GCH1: variants seen among roughly 807,000 people sequenced by gnomAD.
The protein encoded by GCH1 is GTP cyclohydrolase I.
GCH1 carries 5 observed loss-of-function variants against 25.9 expected under a neutral mutation model. That is an observed-to-expected ratio of 0.19 (90% CI 0.10 to 0.41). The LOEUF (loss-of-function observed/expected upper bound fraction) is 0.41, where lower values mean the gene tolerates loss of function less well. Ranked by LOEUF, GCH1 falls within the 10% of genes least tolerant of loss-of-function variation. The probability of loss-of-function intolerance (pLI) is 1.00; values close to 1 mark genes in which losing one functional copy is unlikely to be tolerated. For synonymous variants in GCH1, 159 were observed against 129.6 expected (o/e 1.23, Z -1.54); for missense variants, 261 against 336.5 (o/e 0.78, Z 1.75).
chr14:54,860,668 GTAGCCGGGAC>G (rs1461381887), intron 2 of GCH1, among the ~76,000 whole-genome samples: 4 of 151,690 alleles, frequency 2.6e-5, no homozygotes, highest in Non-Finnish European at 5.9e-5. Flanking sequence ...AGCCTCCTGA[GTAGCCGGGAC>G]TACAGGCGCC....
At chr14:54,867,737 C>A (rs1300329948) in intron 1 of GCH1, among the ~76,000 whole-genome samples, 1 of 151,840 alleles carries the variant, frequency 6.6e-6, no homozygotes, top group East Asian at 1.9e-4. Context: ...ATTAAATGGG[C>A]ACATGTGTTT....
intron 1 of GCH1, among the ~76,000 whole-genome samples, chr14:54,900,755 C>T (rs2040552842): frequency 6.6e-6 from 1 of 151,768 alleles, no homozygotes. Flanking sequence ...CAAAGCCTGG[C>T]CGATGCTGTG....
At chr14:54,858,182 C>A (rs2140060715) in intron 3 of GCH1, among the ~76,000 whole-genome samples, 1 of 152,172 alleles carries the variant, frequency 6.6e-6, no homozygotes, top group East Asian at 1.9e-4. Context: ...ATCAGGACCA[C>A]CATTTCACAA....
At chr14:54,887,953 C>T (rs1414259202) in intron 1 of GCH1, among the ~76,000 whole-genome samples, 1 of 151,488 alleles carries the variant, frequency 6.6e-6, no homozygotes, top group Non-Finnish European at 1.5e-5. Flanking sequence ...CCCAACCACT[C>T]CTTTTCTAGT....
chr14:54,866,640 G>A (rs28643468), intron 1 of GCH1, among the ~76,000 whole-genome samples: 6,356 of 152,056 alleles, frequency 0.042, 498 homozygotes, highest in African/African-American at 0.15. Context: ...AAAGGCAGGC[G>A]GCTGAGTGAG....
At position 54,883,946 on chromosome 14, in the gene GCH1, A is replaced by C. The variant is rs150008456; in HGVS notation, c.343+18375T>G. 1.4e-3 allele frequency among the ~76,000 whole-genome samples: 211 copies of C among 152,292 alleles called. 1 individual carries two copies. Among genetic ancestry groups the C allele is most frequent in the Non-Finnish European group, 2.2e-3 (153 of 68,028 alleles). ...CTACGTGGTTCTTTTTGCTGGAGCA[A>C]AGTTTAAAAATTTGTGAGGACCTCA... On this transcript the variant is annotated intron_variant, in intron 1 of 5. Transcript: ENST00000491895.
chr14:54,846,858 C>G (rs1038959869), intron 4 of GCH1, among the ~76,000 whole-genome samples: 10 of 152,056 alleles, frequency 6.6e-5, no homozygotes, highest in African/African-American at 2.4e-4. Context: ...GTCGGAAGTT[C>G]GAGACCAGCC....
chr14:54,901,036 A>G (rs1210326611), intron 1 of GCH1, among the ~76,000 whole-genome samples: 1 of 152,152 alleles, frequency 6.6e-6, no homozygotes, highest in East Asian at 1.9e-4. Context: ...CAGAACTAGA[A>G]GTCACTGCCG....
intron 1 of GCH1, among the ~76,000 whole-genome samples, chr14:54,873,496 G>C (rs2040111937): frequency 6.6e-6 from 1 of 152,040 alleles, no homozygotes; most frequent in African/African-American, 2.4e-5. Flanking sequence ...ACTAAGATCA[G>C]AGCAGAACTG....
intron 1 of GCH1, among the ~76,000 whole-genome samples, chr14:54,887,986 A>G (rs570256067): frequency 6.7e-4 from 102 of 152,320 alleles, no homozygotes; most frequent in African/African-American, 2.2e-3. Context: ...TTATTAATAA[A>G]CTAAAACTTC....
chr14:54,882,500 A>G (rs2040285661), intron 1 of GCH1, among the ~76,000 whole-genome samples: 1 of 152,244 alleles, frequency 6.6e-6, no homozygotes, highest in Admixed American at 6.5e-5. Flanking sequence ...TGTCTAAGGA[A>G]TCAAAACAGT....
intron 1 of GCH1, among the ~76,000 whole-genome samples, chr14:54,892,077 T>C (rs1162124955): frequency 6.6e-6 from 1 of 152,214 alleles, no homozygotes; most frequent in African/African-American, 2.4e-5. Context: ...AAATCTTCTA[T>C]CTGTGAAACT....
chr14:54,847,140 A>G lies in GCH1; in HGVS notation c.510-10T>C. ...ATAGATTTCTACAATCCTAGAAAAG[A>G]AAGAATTGTTTTAGTTAATCACAAA... On this transcript the variant is annotated splice_polypyrimidine_tract_variant and intron_variant, in intron 3 of 5. Coordinates refer to ENST00000491895, the MANE Select transcript of GCH1 (RefSeq NM_000161.3). 1.0e-6 allele frequency: 1 copy of G among 971,528 alleles called. No individual in the cohort carries two copies. Among genetic ancestry groups the G allele is most frequent in the Non-Finnish European group, 1.6e-6 (1 of 618,876 alleles). The allele number at this position is 971,528 out of a possible 1,614,324, so 60.2% of individuals were successfully genotyped here. A position where few individuals can be genotyped will look rare whatever the true frequency, so the allele number is the denominator to read the frequency against.
At chr14:54,859,596 G>A (rs2039864456) in intron 3 of GCH1, 85 bp downstream of exon 3, 1 of 823,476 alleles carries the variant, frequency 1.2e-6, no homozygotes. Context: ...CAGGTAAAGA[G>A]AGAAAGCCTG....
chr14:54,853,750 T>A (rs2140054108), intron 3 of GCH1, among the ~76,000 whole-genome samples: 1 of 151,364 alleles, frequency 6.6e-6, no homozygotes, highest in African/African-American at 2.4e-5. Flanking sequence ...TTTTTTTTTT[T>A]AATGCTAGGC....
At chr14:54,881,679 T>C (rs1012145348) in intron 1 of GCH1, among the ~76,000 whole-genome samples, 4 of 152,200 alleles carry the variant, frequency 2.6e-5, no homozygotes, top group African/African-American at 7.2e-5. Context: ...GCCGCACAGC[T>C]TTGATATGCT....
intron 1 of GCH1, among the ~76,000 whole-genome samples, chr14:54,875,609 A>G (rs1222571484): frequency 6.6e-6 from 1 of 152,200 alleles, no homozygotes; most frequent in Non-Finnish European, 1.5e-5. Context: ...TCTACAATGA[A>G]CTCAAACAAA....
chr14:54,879,917 G>A (rs1056079876), intron 1 of GCH1, among the ~76,000 whole-genome samples: 2 of 150,394 alleles, frequency 1.3e-5, no homozygotes, highest in African/African-American at 2.4e-5. Flanking sequence ...TCTGGGAGGC[G>A]GAGGTTGCCG....
At chr14:54,896,918 C>CA (rs562487591) in intron 1 of GCH1, among the ~76,000 whole-genome samples, 4,536 of 66,842 alleles carry the variant, frequency 0.068, 263 homozygotes, top group African/African-American at 0.21. Context: ...GACTTCATCT[C>CA]AAAAAAAAAA....
Sources: gnomAD v4.1 joint callset for allele counts (sites outside exome capture counted in the v4.1 genomes callset) on GRCh38, gnomAD v4.1.1 for gene constraint, MANE v1.5 for transcripts, NCBI Gene and HGNC (gene_info 2026-07-23, HGNC 2026-07-21) for gene names.